The following DPP10 variants were observed in gnomAD, a reference collection of about 807,000 sequenced individuals.
DPP10 encodes the protein inactive dipeptidyl peptidase 10.
A neutral mutation model predicts 120.9 loss-of-function variants in DPP10; 33 were observed. The ratio of observed to expected loss-of-function variants is 0.27; its 90% CI spans 0.21 to 0.37. The LOEUF (loss-of-function observed/expected upper bound fraction) is 0.37. DPP10 is among the 10% of genes least tolerant of loss of function. DPP10 has a pLI of 1.00. For missense variants in DPP10, 816 were observed against 942.8 expected, an observed-to-expected ratio of 0.87 and a Z score of 1.76; for synonymous variants, 337 against 326.1, an observed-to-expected ratio of 1.03 and a Z score of -0.36.
intron 1 of DPP10, among the ~76,000 whole-genome samples, chr2:114,716,255 G>A (rs559029230): frequency 1.2e-4 from 18 of 152,090 alleles, no homozygotes; most frequent in African/African-American, 1.9e-4. Context: ...ATTGCATACC[G>A]AAATGTTTGA....
chr2:115,308,691 C>CTTTT (rs2061456896), intron 1 of DPP10, among the ~76,000 whole-genome samples: 1 of 99,100 alleles, frequency 1.0e-5, no homozygotes, highest in African/African-American at 4.0e-5. Flanking sequence ...TAACTAAATC[C>CTTTT]TGTTTTTTTT....
intron 1 of DPP10, among the ~76,000 whole-genome samples, chr2:115,180,770 A>G (rs931137773): frequency 6.6e-6 from 1 of 152,156 alleles, no homozygotes; most frequent in Admixed American, 6.6e-5. Context: ...TCTAGATTGA[A>G]AGGGTGGGAG....
intron 3 of DPP10, among the ~76,000 whole-genome samples, chr2:115,345,915 G>A (rs765255918): frequency 6.6e-6 from 1 of 152,072 alleles, no homozygotes; most frequent in South Asian, 2.1e-4. Context: ...GGACAAAGCT[G>A]CAGTGTTATT....
chr2:115,107,153 G>A (rs17040475), intron 1 of DPP10, among the ~76,000 whole-genome samples: 31,221 of 151,184 alleles, frequency 0.21, 3,956 homozygotes, highest in East Asian at 0.36. Context: ...CTTCAACCAC[G>A]GTATTTTTAA....
At chr2:114,599,956 T>C (rs1041703134) in intron 1 of DPP10, among the ~76,000 whole-genome samples, 3 of 151,778 alleles carry the variant, frequency 2.0e-5, no homozygotes, top group Admixed American at 1.3e-4. Context: ...AATATTTTTA[T>C]AAATTTGTCT....
At chr2:115,374,792 C>G (rs1204855424) in intron 3 of DPP10, among the ~76,000 whole-genome samples, 1 of 152,198 alleles carries the variant, frequency 6.6e-6, no homozygotes, top group Non-Finnish European at 1.5e-5. Context: ...ATGATCTGAG[C>G]TGTACATTGG....
intron 1 of DPP10, among the ~76,000 whole-genome samples, chr2:114,535,232 T>C (rs1425279012): frequency 1.3e-5 from 2 of 152,228 alleles, no homozygotes; most frequent in African/African-American, 4.8e-5. Flanking sequence ...AACACATATT[T>C]CTTGATCTCT....
At chr2:115,319,264 AGC>A (rs2061945052) in intron 2 of DPP10, among the ~76,000 whole-genome samples, 1 of 152,100 alleles carries the variant, frequency 6.6e-6, no homozygotes, top group Non-Finnish European at 1.5e-5. Context: ...ATGATGTATA[AGC>A]CTCTTCATAT....
intron 1 of DPP10, among the ~76,000 whole-genome samples, chr2:115,306,015 G>GT (rs535322094): frequency 1.1e-3 from 162 of 151,872 alleles, no homozygotes; most frequent in African/African-American, 3.8e-3. Flanking sequence ...TTAGGTAAGA[G>GT]TTTTTTTTAT....
At chr2:115,034,140 C>T (rs1704055042) in intron 1 of DPP10, among the ~76,000 whole-genome samples, 1 of 151,980 alleles carries the variant, frequency 6.6e-6, no homozygotes, top group Non-Finnish European at 1.5e-5. Context: ...CGTGATCTGC[C>T]TGCCTCAGCC....
At chr2:115,519,103 A>C (rs1434618643) in intron 4 of DPP10, among the ~76,000 whole-genome samples, 1 of 152,156 alleles carries the variant, frequency 6.6e-6, no homozygotes, top group Admixed American at 6.5e-5. Context: ...AAATATTGGC[A>C]TGACTCTCAA....
At chr2:114,562,244 T>C (rs188290573) in intron 1 of DPP10, among the ~76,000 whole-genome samples, 54 of 152,326 alleles carry the variant, frequency 3.5e-4, no homozygotes, top group Middle Eastern at 6.8e-3. Context: ...AGAATAAACC[T>C]CTAAATCTTT....
chr2:115,743,982 C>T (rs1409672369), intron 9 of DPP10, among the ~76,000 whole-genome samples: 2 of 150,542 alleles, frequency 1.3e-5, no homozygotes, highest in Admixed American at 7.0e-5. Flanking sequence ...TGAATGATTG[C>T]GATGCTGTCT....
chr2:115,028,495 T>C (rs1429613718), intron 1 of DPP10, among the ~76,000 whole-genome samples: 1 of 152,094 alleles, frequency 6.6e-6, no homozygotes. Context: ...GAGTCTTGTT[T>C]TGAGGCCTGA....
At chr2:115,732,282 TA>T (rs2092929003) in intron 8 of DPP10, among the ~76,000 whole-genome samples, 1 of 152,168 alleles carries the variant, frequency 6.6e-6, no homozygotes. Flanking sequence ...ATTTTTACAG[TA>T]AGCTTTACAG....
At chr2:115,292,324 G>A (rs1408374598) in intron 1 of DPP10, among the ~76,000 whole-genome samples, 3 of 151,954 alleles carry the variant, frequency 2.0e-5, no homozygotes, top group African/African-American at 4.8e-5. Flanking sequence ...AAACTCTTTT[G>A]ATTTTATTTT....
chr2:114,763,966 T>C (rs550503595), intron 1 of DPP10, among the ~76,000 whole-genome samples: 1 of 152,310 alleles, frequency 6.6e-6, no homozygotes, highest in Admixed American at 6.5e-5. Context: ...TCCTTTATAT[T>C]ATCTCCACAG....
At chr2:115,465,832 AAAAAT>A (rs1202683828) in intron 3 of DPP10, among the ~76,000 whole-genome samples, 1 of 10,732 alleles carries the variant, frequency 9.3e-5, no homozygotes, top group African/African-American at 1.0e-4. Flanking sequence ...AAAAAATAAT[AAAAAT>A]AAAATAAATT....
rs1225820190 is a variant in DPP10 at position 115,495,012 on chromosome 2, G to A, written c.272-4498G>A. Among the ~76,000 whole-genome samples the A allele has an allele frequency of 2.0e-5, 3 of 152,136 alleles. No homozygotes were observed. The East Asian group carries it at 5.8e-4, about 29-fold the overall frequency. On this transcript the variant is annotated intron_variant, in intron 3 of 25. Coordinates refer to ENST00000410059, the MANE Select transcript of DPP10 (RefSeq NM_020868.6). ...TGACTTTTTATTGTTACATATGGAA[G>A]ATGAATTTTGTCGGATTTCAACTTC... is the stretch of plus-strand genomic sequence containing the variant.
Sources: allele counts gnomAD v4.1 joint callset (sites outside exome capture counted in the v4.1 genomes callset), GRCh38; gene constraint gnomAD v4.1.1; transcripts MANE v1.5; gene names NCBI Gene and HGNC (gene_info 2026-07-23, HGNC 2026-07-21).